The following MAGI2 variants were observed in gnomAD, a reference collection of about 807,000 sequenced individuals.
The protein encoded by MAGI2 is membrane-associated guanylate kinase, WW and PDZ domain-containing protein 2.
A neutral mutation model predicts 133.3 loss-of-function variants in MAGI2; 35 were observed. The ratio of observed to expected loss-of-function variants is 0.26; its 90% confidence interval spans 0.20 to 0.35. MAGI2 has a LOEUF of 0.35. MAGI2 is among the 10% of genes least tolerant of loss of function. The pLI, the probability that MAGI2 is intolerant of heterozygous loss-of-function variation, is 1.00. For synonymous variants in MAGI2, 729 were observed against 710.6 expected (o/e 1.03, Z -0.41); for missense variants, 1,636 against 1,863.4 (o/e 0.88, Z 2.25).
At chr7:78,543,813 C>T (rs915340018) in intron 3 of MAGI2, among the ~76,000 whole-genome samples, 3 of 152,170 alleles carry the variant, frequency 2.0e-5, no homozygotes, top group African/African-American at 2.4e-5. Context: ...AAGGTGAGTG[C>T]TGATACAGAA....
chr7:78,416,822 C>T lies in MAGI2; in HGVS notation c.1046-47609G>A, dbSNP rs10244163. 4.4e-3 allele frequency among the ~76,000 whole-genome samples: 669 copies of T among 152,222 alleles called. 6 individuals are homozygous for T. The highest frequency in any genetic ancestry group is 0.015 in the African/African-American group (617 of 41,546). On this transcript the variant is annotated intron_variant, in intron 6 of 21. Transcript: ENST00000354212. ...AGGTCACAGTATATGTCCCTTTTCC[C>T]CTTTATGCCAGGTGAGGACATAGAA...
At chr7:78,255,539 ACCTAAGCACGATTAAAAG>A in intron 10 of MAGI2, 1 of 349,166 alleles carries the variant, frequency 2.9e-6, no homozygotes, top group Non-Finnish European at 5.2e-6. Flanking sequence ...TAGCCTGGAA[ACCTAAGCACGATTAAAAG>A]CGTTGCTTCC....
At chr7:79,035,644 T>G (rs1028074281) in intron 1 of MAGI2, among the ~76,000 whole-genome samples, 1 of 152,226 alleles carries the variant, frequency 6.6e-6, no homozygotes, top group African/African-American at 2.4e-5. Flanking sequence ...TTTTAAAATA[T>G]GTAAAATGGG....
intron 3 of MAGI2, among the ~76,000 whole-genome samples, chr7:78,531,899 G>C (rs1419349750): frequency 6.6e-6 from 1 of 152,160 alleles, no homozygotes; most frequent in East Asian, 1.9e-4. Flanking sequence ...GTTGGTTAAT[G>C]ATTAAAGGAA....
chr7:78,848,259 C>T (rs1792799513), intron 2 of MAGI2, among the ~76,000 whole-genome samples: 1 of 151,812 alleles, frequency 6.6e-6, no homozygotes, highest in Non-Finnish European at 1.5e-5. Flanking sequence ...CACTGCCGTC[C>T]ACCTAGTTGC....
At chr7:78,158,856 G>T (rs1445428537) in intron 16 of MAGI2, among the ~76,000 whole-genome samples, 2 of 152,072 alleles carry the variant, frequency 1.3e-5, no homozygotes, top group African/African-American at 4.8e-5. Flanking sequence ...TGCTCCTGGG[G>T]ATAACATCAC....
intron 2 of MAGI2, among the ~76,000 whole-genome samples, chr7:78,935,745 T>A (rs529941236): frequency 6.6e-6 from 1 of 152,138 alleles, no homozygotes; most frequent in East Asian, 1.9e-4. Context: ...AGCAACAACA[T>A]AATCATAAGA....
intron 2 of MAGI2, among the ~76,000 whole-genome samples, chr7:78,910,263 C>CTTTTTTTT (rs71085572): frequency 7.8e-6 from 1 of 128,046 alleles, no homozygotes; most frequent in Non-Finnish European, 1.6e-5. Context: ...TAAAGTAATT[C>CTTTTTTTT]TTTTTTTTTT....
At chr7:78,337,652 T>G (rs936742549) in intron 9 of MAGI2, among the ~76,000 whole-genome samples, 6 of 152,212 alleles carry the variant, frequency 3.9e-5, no homozygotes. Flanking sequence ...GTAGCATCTA[T>G]TATTTGTGTT....
At chr7:79,449,968 A>G (rs1849131699) in intron 1 of MAGI2, among the ~76,000 whole-genome samples, 1 of 150,216 alleles carries the variant, frequency 6.7e-6, no homozygotes, top group Admixed American at 6.7e-5. Context: ...GAAAATTATG[A>G]TAACTGTAAT....
intron 9 of MAGI2, among the ~76,000 whole-genome samples, chr7:78,297,894 GT>G (rs1797439309): frequency 6.7e-6 from 1 of 149,228 alleles, no homozygotes; most frequent in Non-Finnish European, 1.5e-5. Flanking sequence ...TAGGTGACGA[GT>G]TAGTGGGTGC....
At chr7:78,483,586 A>T (rs1214598990) in intron 6 of MAGI2, among the ~76,000 whole-genome samples, 1 of 151,796 alleles carries the variant, frequency 6.6e-6, no homozygotes, top group Non-Finnish European at 1.5e-5. Flanking sequence ...GGTGCACGAC[A>T]GTGGAATATC....
intron 1 of MAGI2, among the ~76,000 whole-genome samples, chr7:79,450,036 C>T (rs1454413865): frequency 4.6e-5 from 7 of 151,646 alleles, no homozygotes; most frequent in East Asian, 1.9e-4. Flanking sequence ...TTACCTGGTG[C>T]ACTTATTAAC....
intron 1 of MAGI2, among the ~76,000 whole-genome samples, chr7:79,163,796 ATATTTGTTACTATAT>A (rs1458196225): frequency 6.6e-6 from 1 of 151,908 alleles, no homozygotes; most frequent in African/African-American, 2.4e-5. Flanking sequence ...TATCTTTTTG[ATATTTGTTACTATAT>A]TAGCATTTTA....
chr7:79,379,489 C>T (rs1307185480), intron 1 of MAGI2, among the ~76,000 whole-genome samples: 4 of 151,690 alleles, frequency 2.6e-5, no homozygotes. Flanking sequence ...TAATAGGATG[C>T]CTGGGTCAAA....
chr7:78,045,792 A>C (rs1206043904), intron 21 of MAGI2, among the ~76,000 whole-genome samples: 1 of 152,144 alleles, frequency 6.6e-6, no homozygotes, highest in African/African-American at 2.4e-5. Context: ...TTATAGCCTT[A>C]TCCCACAGAA....
intron 3 of MAGI2, among the ~76,000 whole-genome samples, chr7:78,577,073 A>G (rs1012193947): frequency 6.6e-6 from 1 of 152,208 alleles, no homozygotes; most frequent in Admixed American, 6.5e-5. Context: ...TTCCTCTTCT[A>G]TACTTAACAC....
rs1296279997 is a variant in MAGI2, at chr7:79,108,137, A to T, written c.302-100931T>A. ...TGAGATGCAACATGAGCTGGAGGTGACCTTGGTGATTCTACCACAGACCAG... is the reference window on the plus strand; with the variant it reads ...TGAGATGCAACATGAGCTGGAGGTGTCCTTGGTGATTCTACCACAGACCAG... On this transcript the variant is annotated intron_variant, in intron 1 of 21. Transcript: ENST00000354212. Among the ~76,000 whole-genome samples the T allele has an allele frequency of 2.0e-5, 3 of 152,194 alleles. No individual in the cohort carries two copies. In the East Asian group the frequency reaches 5.8e-4, roughly 29 times the overall value.
chr7:78,952,893 C>A (rs1240281356), intron 2 of MAGI2, among the ~76,000 whole-genome samples: 1 of 152,138 alleles, frequency 6.6e-6, no homozygotes, highest in Non-Finnish European at 1.5e-5. Context: ...AGCAAGGTCC[C>A]TTAACCATGT....
Sources: allele counts gnomAD v4.1 joint callset (sites outside exome capture counted in the v4.1 genomes callset), GRCh38; gene constraint gnomAD v4.1.1; transcripts MANE v1.5; gene names NCBI Gene and HGNC (gene_info 2026-07-23, HGNC 2026-07-21).